Variants in FMNL2 observed in about 807,000 individuals in gnomAD.
FMNL2 encodes formin like 2, also known as formin-like protein 2.
A neutral mutation model predicts 130.2 loss-of-function variants in FMNL2; 51 were observed. That is an observed-to-expected ratio of 0.39 (90% CI 0.31 to 0.49). The LOEUF (loss-of-function observed/expected upper bound fraction) is 0.49, where lower values mean the gene tolerates loss of function less well. Among genes scored for constraint, FMNL2 ranks in the 20% least tolerant of loss-of-function variants. FMNL2 has a pLI of 0.85. For missense variants in FMNL2, 977 were observed against 1,316.2 expected (o/e 0.74, Z 3.99); for synonymous variants, 465 against 467.1 (o/e 1.00, Z 0.06).
intron 9 of FMNL2, among the ~76,000 whole-genome samples, chr2:152,606,678 T>C (rs901232194): frequency 2.0e-5 from 3 of 148,670 alleles, no homozygotes; most frequent in African/African-American, 7.5e-5. Flanking sequence ...ATTTCATGTA[T>C]ATGCAAATAC....
intron 1 of FMNL2, among the ~76,000 whole-genome samples, chr2:152,364,636 A>G (rs562266691): frequency 1.3e-5 from 2 of 152,172 alleles, no homozygotes; most frequent in African/African-American, 4.8e-5. Context: ...TCCTGGCAAA[A>G]TGGTAAATTG....
chr2:152,595,723 A>G (rs1325848540), intron 9 of FMNL2, among the ~76,000 whole-genome samples: 4 of 152,090 alleles, frequency 2.6e-5, no homozygotes, highest in Non-Finnish European at 5.9e-5. Flanking sequence ...TGTGTTCTAT[A>G]TATTTTTTTT....
intron 1 of FMNL2, among the ~76,000 whole-genome samples, chr2:152,463,496 G>C (rs1013880207): frequency 4.6e-5 from 7 of 152,172 alleles, no homozygotes; most frequent in African/African-American, 1.7e-4. Flanking sequence ...CTTGTGGCCT[G>C]AGTGCAATTT....
intron 6 of FMNL2, among the ~76,000 whole-genome samples, chr2:152,572,420 CTTG>C (rs1558973737): frequency 2.0e-5 from 3 of 152,092 alleles, no homozygotes; most frequent in Admixed American, 2.0e-4. Flanking sequence ...TCTAGGTGTT[CTTG>C]TTGTGGTAAA....
Position 152,619,552 on chromosome 2 carries a change from G to GCA in FMNL2, c.1672_1673insAC (p.Pro558HisfsTer31), listed in dbSNP as rs1553488326. ...CACCACCTATGCCACCGCCGCCGCC[G>GCA]CCCCCTCCTCCACCTCCTCCTCCCC... On this transcript the variant is annotated frameshift_variant, in exon 15 of 26. Coordinates refer to ENST00000288670, the MANE Select transcript of FMNL2 (RefSeq NM_052905.4). LOFTEE classifies it high-confidence loss of function. 7.1e-7 allele frequency: 1 copy of GCA among 1,403,676 alleles called. No individual in the cohort carries two copies. Among genetic ancestry groups the GCA allele is most frequent in the South Asian group, 1.3e-5 (1 of 76,988 alleles). 87.0% of individuals were successfully genotyped at this position (1,403,676 alleles called of 1,614,324 possible). A position where few individuals can be genotyped will look rare whatever the true frequency, so the allele number is the denominator to read the frequency against.
intron 1 of FMNL2, among the ~76,000 whole-genome samples, chr2:152,472,635 G>T (rs893756592): frequency 1.3e-5 from 2 of 152,146 alleles, no homozygotes; most frequent in African/African-American, 4.8e-5. Context: ...AATTCCCAAA[G>T]AATTGTGAAT....
At chr2:152,565,304 A>G (rs144153907) in intron 6 of FMNL2, among the ~76,000 whole-genome samples, 3 of 152,328 alleles carry the variant, frequency 2.0e-5, no homozygotes, top group East Asian at 1.9e-4. Flanking sequence ...ACTTTAGGCA[A>G]TGTCCAGAGT....
rs1294387904 is a variant in FMNL2 at position 152,469,436 on chromosome 2, C to T, written c.118-52507C>T. On this transcript the variant is annotated intron_variant, in intron 1 of 25. Coordinates refer to ENST00000288670, the MANE Select transcript of FMNL2 (RefSeq NM_052905.4). ...GACTACTTTTCTCTAGCCTCCTTGG[C>T]TAGTATCCCTTTTCCCACATGCTCC... is the stretch of plus-strand genomic sequence containing the variant. Among the ~76,000 whole-genome samples the T allele has an allele frequency of 7.9e-5, 12 of 152,340 alleles. No individual in the cohort carries two copies. In the South Asian group the frequency reaches 1.9e-3, roughly 24 times the overall value.
chr2:152,462,167 A>G (rs781145808), intron 1 of FMNL2, among the ~76,000 whole-genome samples: 1 of 152,182 alleles, frequency 6.6e-6, no homozygotes, highest in African/African-American at 2.4e-5. Context: ...CTGGCCACCT[A>G]CGTAGCTTTT....
chr2:152,611,915 T>C (rs1205843065), intron 11 of FMNL2, among the ~76,000 whole-genome samples: 2 of 152,204 alleles, frequency 1.3e-5, no homozygotes, highest in Non-Finnish European at 2.9e-5. Context: ...CATTGCATCC[T>C]TCATCTGGGC....
intron 9 of FMNL2, among the ~76,000 whole-genome samples, chr2:152,603,411 T>TC (rs890551698): frequency 1.0e-4 from 14 of 140,268 alleles, no homozygotes; most frequent in Admixed American, 6.4e-4. Context: ...TTTTTTTTTT[T>TC]TTTTTAAGAT....
intron 1 of FMNL2, among the ~76,000 whole-genome samples, chr2:152,364,811 C>T (rs182475133): frequency 6.6e-6 from 1 of 152,308 alleles, no homozygotes; most frequent in Admixed American, 6.5e-5. Context: ...TCAGAATTCT[C>T]TCTCATGAGT....
chr2:152,607,051 A>G (rs1431883744), intron 9 of FMNL2, among the ~76,000 whole-genome samples: 5 of 145,012 alleles, frequency 3.4e-5, no homozygotes, highest in Non-Finnish European at 7.5e-5. Flanking sequence ...TGGATTCCAA[A>G]TGTATGCTAA....
intron 1 of FMNL2, among the ~76,000 whole-genome samples, chr2:152,396,222 G>A (rs886922838): frequency 1.3e-5 from 2 of 152,158 alleles, no homozygotes; most frequent in Non-Finnish European, 1.5e-5. Context: ...GGAGCTAGAA[G>A]AACTTGGCTG....
intron 1 of FMNL2, among the ~76,000 whole-genome samples, chr2:152,433,299 A>G (rs1687592107): frequency 6.6e-6 from 1 of 152,224 alleles, no homozygotes. Context: ...TTGCAAAATA[A>G]CAGTATGCAA....
At chr2:152,482,972 C>G (rs1690616241) in intron 1 of FMNL2, among the ~76,000 whole-genome samples, 1 of 152,144 alleles carries the variant, frequency 6.6e-6, no homozygotes, top group South Asian at 2.1e-4. Context: ...GCTTATCTCT[C>G]TGTGATTACA....
intron 1 of FMNL2, among the ~76,000 whole-genome samples, chr2:152,340,164 T>G (rs544115462): frequency 6.6e-6 from 1 of 152,234 alleles, no homozygotes; most frequent in East Asian, 1.9e-4. Flanking sequence ...CCAGCCTGGG[T>G]GACAAAGTAA....
intron 23 of FMNL2, 112 bp from the exon 24 acceptor site, chr2:152,639,846 C>CGTAT: frequency 1.4e-5 from 12 of 862,780 alleles, no homozygotes; most frequent in South Asian, 9.6e-5. Flanking sequence ...TCTCAACCTT[C>CGTAT]CATTTATTGT....
intron 2 of FMNL2, among the ~76,000 whole-genome samples, chr2:152,523,371 C>CA (rs1190470978): frequency 6.6e-6 from 1 of 151,932 alleles, no homozygotes; most frequent in East Asian, 1.9e-4. Flanking sequence ...CCATTTATAC[C>CA]AACTACACAG....
Sources: gnomAD v4.1 joint callset for allele counts (sites outside exome capture counted in the v4.1 genomes callset) on GRCh38, gnomAD v4.1.1 for gene constraint, MANE v1.5 for transcripts, NCBI Gene and HGNC (gene_info 2026-07-23, HGNC 2026-07-21) for gene names.